Variants in ALG9 observed in about 807,000 individuals in gnomAD.
ALG9 encodes alpha-1,2-mannosyltransferase ALG9.
ALG9 carries 55 observed loss-of-function variants against 81.8 expected under a neutral mutation model. That is an observed-to-expected ratio of 0.67 (90% CI 0.54 to 0.84). The LOEUF (loss-of-function observed/expected upper bound fraction) is 0.84. Ranked by LOEUF, ALG9 falls within the 40% of genes least tolerant of loss-of-function variation. The pLI is 0.00. For synonymous variants in ALG9, 278 were observed against 274.3 expected, an observed-to-expected ratio of 1.01 and a Z score of -0.13; for missense variants, 629 against 745.0, an observed-to-expected ratio of 0.84 and a Z score of 1.81.
At chr11:111,840,307 T>G (rs1178983920) in intron 10 of ALG9, among the ~76,000 whole-genome samples, 2 of 152,234 alleles carry the variant, frequency 1.3e-5, no homozygotes, top group African/African-American at 4.8e-5. Context: ...GTGAACTGCC[T>G]GCTGTGATCC....
chr11:111,820,947 C>CACA (rs548465357), intron 13 of ALG9, among the ~76,000 whole-genome samples: 14 of 146,924 alleles, frequency 9.5e-5, no homozygotes, highest in Admixed American at 8.8e-4. Flanking sequence ...CACACACACA[C>CACA]AAGCCAGGTA....
chr11:111,826,840 C>T (rs190329984), intron 13 of ALG9, among the ~76,000 whole-genome samples: 4 of 152,186 alleles, frequency 2.6e-5, no homozygotes, highest in Admixed American at 2.0e-4. Flanking sequence ...CTCCTATTAG[C>T]TAAATTCTGG....
intron 14 of ALG9, among the ~76,000 whole-genome samples, chr11:111,797,460 A>C (rs1555076308): frequency 2.6e-5 from 4 of 152,248 alleles, no homozygotes; most frequent in Non-Finnish European, 1.5e-5. Context: ...CTGATGGCTA[A>C]TGCATTACAG....
chr11:111,843,647 A>G (rs1956549711), intron 9 of ALG9, among the ~76,000 whole-genome samples: 2 of 152,308 alleles, frequency 1.3e-5, no homozygotes, highest in South Asian at 4.1e-4. Flanking sequence ...CAAACCTCAT[A>G]TGAATTTCTG....
At chr11:111,789,744 TG>T (rs1309740632) in intron 14 of ALG9, among the ~76,000 whole-genome samples, 2 of 150,680 alleles carry the variant, frequency 1.3e-5, no homozygotes, top group African/African-American at 2.4e-5. Flanking sequence ...TGCTTGAACC[TG>T]GGGGGTAGAA....
intron 9 of ALG9, among the ~76,000 whole-genome samples, chr11:111,841,429 C>G (rs1232525759): frequency 6.6e-6 from 1 of 152,178 alleles, no homozygotes; most frequent in Non-Finnish European, 1.5e-5. Flanking sequence ...TCATCCACTC[C>G]GGATCCCCAA....
intron 13 of ALG9, among the ~76,000 whole-genome samples, chr11:111,833,969 G>A (rs191695901): frequency 1.3e-4 from 20 of 152,284 alleles, no homozygotes; most frequent in Admixed American, 5.2e-4. Flanking sequence ...CCACAATGAC[G>A]ATGAATATTC....
chr11:111,812,457 C>G (rs1398261793), intron 13 of ALG9, among the ~76,000 whole-genome samples: 1 of 152,172 alleles, frequency 6.6e-6, no homozygotes, highest in Non-Finnish European at 1.5e-5. Context: ...GTCCTAGCTA[C>G]TCAGGAGATT....
downstream of ALG9, among the ~76,000 whole-genome samples, chr11:111,779,720 A>G (rs1434793390): frequency 1.3e-5 from 2 of 152,170 alleles, no homozygotes; most frequent in Admixed American, 6.6e-5. Flanking sequence ...AAAACCAAAA[A>G]CAAACAAAAA....
chr11:111,857,776 G>A (rs1024537955), intron 5 of ALG9, 39 bp from the exon 6 acceptor site: 7 of 1,612,232 alleles, frequency 4.3e-6, no homozygotes, highest in Non-Finnish European at 5.1e-6. Flanking sequence ...AGGAGGACAA[G>A]AGCTCGAGGT....
intron 13 of ALG9, among the ~76,000 whole-genome samples, chr11:111,831,827 G>A (rs1565933239): frequency 6.6e-6 from 1 of 152,146 alleles, no homozygotes; most frequent in Non-Finnish European, 1.5e-5. Context: ...ATTTTGAACT[G>A]ATATACAGTC....
chr11:111,858,410 A>G (rs543386849), intron 5 of ALG9, among the ~76,000 whole-genome samples: 4 of 152,302 alleles, frequency 2.6e-5, no homozygotes, highest in Admixed American at 6.5e-5. Context: ...CATTGCTGAC[A>G]ATTTACTTCT....
chr11:111,820,401 G>T (rs893109955), intron 13 of ALG9, among the ~76,000 whole-genome samples: 13 of 152,240 alleles, frequency 8.5e-5, no homozygotes, highest in African/African-American at 2.9e-4. Flanking sequence ...GCACATGGCA[G>T]AAGGGCAAAG....
intron 14 of ALG9, chr11:111,805,137 G>A (rs1949726136): frequency 5.1e-6 from 2 of 388,586 alleles, no homozygotes; most frequent in Admixed American, 6.3e-5. Flanking sequence ...AGGGAATTAG[G>A]TCAAAAGAGT....
intron 6 of ALG9, among the ~76,000 whole-genome samples, chr11:111,857,061 C>T (rs189070400): frequency 1.8e-4 from 27 of 152,230 alleles, no homozygotes; most frequent in Admixed American, 1.2e-3. Flanking sequence ...AAGCCAACAT[C>T]GTGCCATTGC....
the ALG9 span, among the ~76,000 whole-genome samples, chr11:111,776,322 G>T: frequency 6.6e-6 from 1 of 152,260 alleles, no homozygotes; most frequent in African/African-American, 2.4e-5. Context: ...GGACATAGTG[G>T]TTCACGCCTA....
chr11:111,842,145 C>T (rs1956308051), intron 9 of ALG9, among the ~76,000 whole-genome samples: 1 of 152,200 alleles, frequency 6.6e-6, no homozygotes, highest in Admixed American at 6.5e-5. Context: ...GATCCACCCG[C>T]CTCGGCCTCT....
chr11:111,781,649 T>A (rs894063617), downstream of ALG9, among the ~76,000 whole-genome samples: 7 of 152,086 alleles, frequency 4.6e-5, no homozygotes, highest in Admixed American at 3.3e-4. Context: ...TTATTCATTT[T>A]TTATTATTTT....
intron 13 of ALG9, among the ~76,000 whole-genome samples, chr11:111,830,652 T>C (rs1273419035): frequency 6.6e-6 from 1 of 152,074 alleles, no homozygotes; most frequent in Non-Finnish European, 1.5e-5. Flanking sequence ...CCGAGACTGA[T>C]AACAATTAGT....
Sources: gnomAD v4.1 joint callset for allele counts (sites outside exome capture counted in the v4.1 genomes callset) on GRCh38, gnomAD v4.1.1 for gene constraint, MANE v1.5 for transcripts, NCBI Gene and HGNC (gene_info 2026-07-23, HGNC 2026-07-21) for gene names.